The following IL34 variants were observed in gnomAD, a reference collection of about 807,000 sequenced individuals.
IL34 encodes the protein interleukin-34.
Under a neutral mutation model 25.3 loss-of-function variants are expected in IL34, and 17 were observed. That is an observed-to-expected ratio of 0.67 (90% CI 0.46 to 1.01). The LOEUF (loss-of-function observed/expected upper bound fraction) is 1.01, where lower values mean the gene tolerates loss of function less well. Among genes scored for constraint, IL34 ranks in the 50% least tolerant of loss-of-function variants. IL34 has a pLI of 0.00. For missense variants in IL34, 368 were observed against 312.9 expected, an observed-to-expected ratio of 1.18 and a Z score of -1.33; for synonymous variants, 174 against 140.9, an observed-to-expected ratio of 1.23 and a Z score of -1.66.
At chr16:70,608,778 A>G (rs928922511) in intron 1 of IL34, among the ~76,000 whole-genome samples, 1 of 152,204 alleles carries the variant, frequency 6.6e-6, no homozygotes. Flanking sequence ...CCTGGGGCTC[A>G]TCATGGGTTC....
intron 1 of IL34, among the ~76,000 whole-genome samples, chr16:70,626,021 G>A (rs927948050): frequency 5.9e-5 from 9 of 152,180 alleles, no homozygotes; most frequent in East Asian, 3.9e-4. Flanking sequence ...AATTTCATGC[G>A]CGTCCATGAG....
At chr16:70,643,940 G>T (rs1258576086), upstream of IL34, among the ~76,000 whole-genome samples, 1 of 152,112 alleles carries the variant, frequency 6.6e-6, no homozygotes, top group Admixed American at 6.6e-5. Flanking sequence ...AAAAAATTGG[G>T]GGATGAGTGA....
At chr16:70,645,391 C>G (rs1030143243), upstream of IL34, among the ~76,000 whole-genome samples, 1 of 152,146 alleles carries the variant, frequency 6.6e-6, no homozygotes, top group Non-Finnish European at 1.5e-5. Context: ...CATACCTGCT[C>G]TCCCCCGATG....
At chr16:70,615,240 G>C (rs1019822747) in intron 1 of IL34, among the ~76,000 whole-genome samples, 1 of 152,198 alleles carries the variant, frequency 6.6e-6, no homozygotes, top group Non-Finnish European at 1.5e-5. Context: ...CAGGTGTGGT[G>C]GCTCACGCCT....
chr16:70,627,540 G>A (rs2051423592), intron 1 of IL34, among the ~76,000 whole-genome samples: 1 of 150,844 alleles, frequency 6.6e-6, no homozygotes, highest in Non-Finnish European at 1.5e-5. Context: ...AGAGCACAGT[G>A]GTGCTATCTA....
At chr16:70,618,144 G>T (rs2051203050) in intron 1 of IL34, among the ~76,000 whole-genome samples, 1 of 152,286 alleles carries the variant, frequency 6.6e-6, no homozygotes, top group East Asian at 1.9e-4. Context: ...GAAATGAGAG[G>T]TTCTAGGAGG....
At chr16:70,623,498 C>T (rs973798836) in intron 1 of IL34, among the ~76,000 whole-genome samples, 2 of 152,064 alleles carry the variant, frequency 1.3e-5, no homozygotes, top group East Asian at 1.9e-4. Context: ...CGAGTGATAA[C>T]AGGCTTTAAT....
chr16:70,639,764 A>G (rs1161980237), intron 1 of IL34, among the ~76,000 whole-genome samples: 1 of 152,128 alleles, frequency 6.6e-6, no homozygotes, highest in South Asian at 2.1e-4. Context: ...GAGCAGCTTG[A>G]GCAACATAGT....
At chr16:70,621,199 G>C (rs556788484) in intron 1 of IL34, among the ~76,000 whole-genome samples, 2 of 152,100 alleles carry the variant, frequency 1.3e-5, no homozygotes, top group African/African-American at 4.8e-5. Context: ...CAAGGCAGGC[G>C]TCCCTGCATG....
chr16:70,637,451 T>G (rs2051680627), intron 1 of IL34, among the ~76,000 whole-genome samples: 1 of 151,946 alleles, frequency 6.6e-6, no homozygotes, highest in South Asian at 2.1e-4. Flanking sequence ...CGGGTTCAAG[T>G]AATTCTCCTG....
chr16:70,646,937 G>T lies in IL34; in HGVS notation c.-11G>T. ...GGCGCCTGAGCTCTCAGGGGGACGA[G>T]GAACACCACCATGCCCCGGGGCTTC... On this transcript the variant is annotated 5_prime_UTR_variant, in exon 1 of 6. The change creates a new upstream start codon in the 5' untranslated region. Coordinates refer to ENST00000288098, the MANE Select transcript of IL34 (RefSeq NM_001393494.1). 6.8e-7 allele frequency: 1 copy of T among 1,478,504 alleles called. No homozygotes were observed. 91.6% of individuals were successfully genotyped at this position (1,478,504 alleles called of 1,614,324 possible).
intron 1 of IL34, among the ~76,000 whole-genome samples, chr16:70,614,032 A>G (rs1345391146): frequency 6.6e-6 from 1 of 151,912 alleles, no homozygotes; most frequent in Non-Finnish European, 1.5e-5. Context: ...TTAAAAAAAA[A>G]AATTATCCAG....
intron 1 of IL34, among the ~76,000 whole-genome samples, chr16:70,598,958 T>A (rs1378351341): frequency 6.6e-6 from 1 of 152,118 alleles, no homozygotes; most frequent in African/African-American, 2.4e-5. Context: ...TAGAATCACA[T>A]CAAGGTTGAG....
chr16:70,631,128 G>C (rs1183655687), intron 1 of IL34, among the ~76,000 whole-genome samples: 2 of 152,208 alleles, frequency 1.3e-5, no homozygotes, highest in Admixed American at 6.5e-5. Flanking sequence ...GTTATATTAA[G>C]AAGTTTCCTT....
upstream of IL34, among the ~76,000 whole-genome samples, chr16:70,642,859 C>T (rs899053135): frequency 6.7e-6 from 1 of 149,392 alleles, no homozygotes; most frequent in Non-Finnish European, 1.5e-5. Context: ...TATGAAATGT[C>T]CAGAATAGGC....
intron 4 of IL34, among the ~76,000 whole-genome samples, chr16:70,659,167 A>G (rs571477282): frequency 2.6e-5 from 4 of 152,234 alleles, no homozygotes; most frequent in South Asian, 4.2e-4. Flanking sequence ...AAAGCACCCC[A>G]GCTTGAAGCT....
At chr16:70,635,524 G>GGAGGTCA (rs898152709) in intron 1 of IL34, among the ~76,000 whole-genome samples, 4 of 152,274 alleles carry the variant, frequency 2.6e-5, no homozygotes, top group East Asian at 1.9e-4. Context: ...GTCAGAGGTT[G>GGAGGTCA]GAGGTCAGAG....
chr16:70,651,901 G>A (rs2052089293), intron 1 of IL34, among the ~76,000 whole-genome samples: 1 of 152,034 alleles, frequency 6.6e-6, no homozygotes, highest in Non-Finnish European at 1.5e-5. Context: ...TGAGGTGGGT[G>A]GATCACGAGG....
At position 70,659,886 on chromosome 16, in the gene IL34, C is replaced by G. The variant is rs1452013424; in HGVS notation, c.539-111C>G. The stretch of plus-strand genomic sequence containing the variant: ...CGGGGCTACAAGCCATTTCTGGAAG[C>G]CAGGATGGGCCCTGGGTAGAGTGGG... On this transcript the variant is annotated intron_variant, in intron 5 of 5. Coordinates refer to ENST00000288098, the MANE Select transcript of IL34 (RefSeq NM_001393494.1). 11 of 1,475,644 alleles carry G rather than the reference C, an allele frequency of 7.5e-6. No individual in the cohort carries two copies. The Middle Eastern group carries it at 5.5e-4, about 74-fold the overall frequency. The allele number at this position is 1,475,644 out of a possible 1,614,324, so 91.4% of individuals were successfully genotyped here. A position where few individuals can be genotyped will look rare whatever the true frequency, so the allele number is the denominator to read the frequency against.
Sources: gnomAD v4.1 joint callset for allele counts (sites outside exome capture counted in the v4.1 genomes callset) on GRCh38, gnomAD v4.1.1 for gene constraint, MANE v1.5 for transcripts, NCBI Gene and HGNC (gene_info 2026-07-23, HGNC 2026-07-21) for gene names.